The following CFAP46 variants were observed in gnomAD, a reference collection of about 807,000 sequenced individuals.
CFAP46 encodes cilia- and flagella-associated protein 46.
Under a neutral mutation model 325.7 loss-of-function variants are expected in CFAP46, and 245 were observed. The ratio of observed to expected loss-of-function variants is 0.75; its 90% CI spans 0.68 to 0.84. The LOEUF (loss-of-function observed/expected upper bound fraction) is 0.84. Ranked by LOEUF, CFAP46 falls within the 40% of genes least tolerant of loss-of-function variation. The pLI, the probability that CFAP46 is intolerant of heterozygous loss-of-function variation, is 0.00. For missense variants in CFAP46, 3,346 were observed against 3,543.0 expected (o/e 0.94, Z 1.41); for synonymous variants, 1,523 against 1,495.9 (o/e 1.02, Z -0.42).
In CFAP46 at chr10:132,814,692, A is replaced by G; in HGVS notation, c.7243T>C (p.Phe2415Leu). The change falls in exon 52 of 58, where the codon TTC becomes CTC. Residue 2415 changes from phenylalanine (F) to leucine (L), a missense_variant. Transcript: ENST00000368586. ...GGGGCCCATCAAAGGATACACTTGA[A>G]GTTGTCTGAGTCGACTATGATGCAG... Reference protein sequence around the residue: ...PDCIIVDSDNFKFVVDPYEEA... With the variant: ...PDCIIVDSDNLKFVVDPYEEA... 1.2e-6 allele frequency: 2 copies of G among 1,605,256 alleles called. No individual in the cohort carries two copies. The highest frequency in any genetic ancestry group is 1.7e-6 in the Non-Finnish European group (2 of 1,175,698).
intron 44 of CFAP46, among the ~76,000 whole-genome samples, chr10:132,844,693 T>C (rs761223386): frequency 2.6e-5 from 4 of 152,144 alleles, no homozygotes; most frequent in Non-Finnish European, 5.9e-5. Context: ...CTGGTGTCCT[T>C]GGTCCCCAAA....
intron 9 of CFAP46, among the ~76,000 whole-genome samples, chr10:132,927,299 G>A (rs924758955): frequency 2.0e-5 from 3 of 151,074 alleles, no homozygotes; most frequent in Non-Finnish European, 2.9e-5. Flanking sequence ...AGACACAGAC[G>A]TCCCGGGGAG....
intron 9 of CFAP46, among the ~76,000 whole-genome samples, chr10:132,927,865 C>T (rs1390152873): frequency 2.0e-5 from 3 of 152,214 alleles, no homozygotes; most frequent in Non-Finnish European, 4.4e-5. Context: ...GAATGTCTAA[C>T]AGTAGGCTGG....
chr10:132,825,197 CGCTGTGTGCTGTGTGTGTGCCCTGA>C (rs1564768470), intron 50 of CFAP46, among the ~76,000 whole-genome samples: 4 of 121,112 alleles, frequency 3.3e-5, no homozygotes, highest in East Asian at 5.1e-4. Context: ...GTGCTGTGTG[CGCTGTGTGCTGTGTGTGTGCCCTGA>C]TGTGTGCTGT....
At position 132,885,105 on chromosome 10, in the gene CFAP46, G is replaced by C; in HGVS notation, c.3625C>G (p.Gln1209Glu). The C allele has an allele frequency of 6.5e-7, 1 of 1,544,928 alleles. No homozygotes were observed. Among genetic ancestry groups the C allele is most frequent in the Non-Finnish European group, 8.7e-7 (1 of 1,143,834 alleles). The change falls in exon 27 of 58, where the codon CAG becomes GAG. Residue 1209 changes from glutamine (Q) to glutamate (E), a missense_variant and splice_region_variant. Coordinates refer to ENST00000368586, the MANE Select transcript of CFAP46 (RefSeq NM_001200049.3). Reference protein sequence around the residue: ...ACYNNAIQALQKPEMEWQKVE... With the variant: ...ACYNNAIQALEKPEMEWQKVE... Reference sequence around the variant, plus strand: ...CACCCACGCTTACGGCTTCACACCTGCAAGGCCTGGATGGCGTTGTTGTAG... The same window carrying C: ...CACCCACGCTTACGGCTTCACACCTCCAAGGCCTGGATGGCGTTGTTGTAG...
chr10:132,848,080 C>T (rs1028376676), intron 41 of CFAP46, among the ~76,000 whole-genome samples: 2 of 152,096 alleles, frequency 1.3e-5, no homozygotes, highest in Admixed American at 1.3e-4. Context: ...TTTACCAAAA[C>T]CAACCAGGGC....
chr10:132,866,675 C>T (rs970500129), intron 34 of CFAP46, among the ~76,000 whole-genome samples: 20 of 152,202 alleles, frequency 1.3e-4, no homozygotes, highest in Admixed American at 2.6e-4. Flanking sequence ...CGGCCTGGGG[C>T]GGTGGCTGAG....
intron 22 of CFAP46, among the ~76,000 whole-genome samples, chr10:132,901,077 T>C (rs1380406128): frequency 6.6e-6 from 1 of 152,230 alleles, no homozygotes; most frequent in Non-Finnish European, 1.5e-5. Flanking sequence ...CTCTCTCCCA[T>C]CCTTTTACCT....
At chr10:132,915,197 A>G (rs887859959) in intron 17 of CFAP46, among the ~76,000 whole-genome samples, 2 of 152,264 alleles carry the variant, frequency 1.3e-5, no homozygotes, top group Admixed American at 6.5e-5. Context: ...AAACGGCTTG[A>G]GCCCTAATTT....
At chr10:132,873,891 T>C (rs1010075436) in intron 31 of CFAP46, among the ~76,000 whole-genome samples, 2 of 152,122 alleles carry the variant, frequency 1.3e-5, no homozygotes, top group Admixed American at 6.5e-5. Context: ...AAAATGTATT[T>C]TCAATAAAAA....
Position 132,854,689 on chromosome 10 carries a change from C to T in CFAP46, c.5574+2901G>A, listed in dbSNP as rs1177784294. Among the ~76,000 whole-genome samples the T allele has an allele frequency of 7.2e-5, 11 of 152,024 alleles. No homozygotes were observed. In the East Asian group the frequency reaches 1.2e-3, roughly 16 times the overall value. On this transcript the variant is annotated intron_variant, in intron 39 of 57. Transcript: ENST00000368586. Reference sequence around the variant, plus strand: ...AAAAGTCACATAACACAAAATTAACCGTTTAAAAATATACAATTCAGTGGC... The same window carrying T: ...AAAAGTCACATAACACAAAATTAACTGTTTAAAAATATACAATTCAGTGGC...
rs1591062719 is a variant in CFAP46, at chr10:132,866,232, G to A, written c.4744-61C>T. The A allele has an allele frequency of 2.3e-5, 33 of 1,421,298 alleles. No individual in the cohort carries two copies. In the East Asian group the frequency reaches 4.7e-4, roughly 20 times the overall value. 88.0% of individuals were successfully genotyped at this position (1,421,298 alleles called of 1,614,324 possible). On this transcript the variant is annotated intron_variant, in intron 34 of 57. Coordinates refer to ENST00000368586, the MANE Select transcript of CFAP46 (RefSeq NM_001200049.3). ...GACACTTGTGACCTCTGAGTCTCAC[G>A]GGACAGGCTCTGGCTCAGGAGCCAT...
chr10:132,821,219 CTGTG>C (rs1225803491), intron 50 of CFAP46, among the ~76,000 whole-genome samples: 4 of 107,374 alleles, frequency 3.7e-5, no homozygotes, highest in African/African-American at 3.8e-5. Context: ...GTGCTGTGTG[CTGTG>C]TGTGTGCTGA....
chr10:132,852,492 A>C (rs1214626140), intron 39 of CFAP46, among the ~76,000 whole-genome samples: 2 of 149,778 alleles, frequency 1.3e-5, no homozygotes, highest in East Asian at 2.0e-4. Context: ...GAATTCTCAG[A>C]TCCTGATCCA....
chr10:132,924,399 G>GC (rs5789147), intron 11 of CFAP46, among the ~76,000 whole-genome samples: 1 of 151,880 alleles, frequency 6.6e-6, no homozygotes, highest in Admixed American at 6.6e-5. Flanking sequence ...GCCACAACCA[G>GC]CCCCCCACTC....
intron 17 of CFAP46, among the ~76,000 whole-genome samples, chr10:132,913,999 C>T (rs115056146): frequency 0.028 from 4,305 of 151,792 alleles, 215 homozygotes; most frequent in African/African-American, 0.097. Context: ...ATGGGACCCC[C>T]GCTCACCCCT....
At chr10:132,823,795 CTG>C (rs1171794025) in intron 50 of CFAP46, among the ~76,000 whole-genome samples, 10 of 130,074 alleles carry the variant, frequency 7.7e-5, no homozygotes, top group African/African-American at 2.6e-4. Context: ...CTGATGTGTG[CTG>C]TGTGTGTGCT....
chr10:132,851,648 G>A (rs909797836), intron 39 of CFAP46, among the ~76,000 whole-genome samples: 8 of 152,188 alleles, frequency 5.3e-5, no homozygotes, highest in African/African-American at 1.7e-4. Context: ...CATTTTCCTC[G>A]GTAAAGTCAC....
In CFAP46 at chr10:132,877,713, G is replaced by C. The variant is rs1255166861; in HGVS notation, c.4212+168C>G. Among the ~76,000 whole-genome samples, 1 of 151,280 alleles carries C rather than the reference G, an allele frequency of 6.6e-6. No homozygotes were observed. The highest frequency in any genetic ancestry group is 1.9e-4 in the East Asian group (1 of 5,138). ...AGCCTCTGCACTGAGGCCACCTGGG[G>C]CTCCTCCGAGAACCCTGACAGGCAG... On this transcript the variant is annotated intron_variant, in intron 30 of 57. Coordinates refer to ENST00000368586, the MANE Select transcript of CFAP46 (RefSeq NM_001200049.3). This position sits in a 1 kb window ranked among gnomAD's most constrained non-coding sequence, Gnocchi z 5.7.
Sources: allele counts gnomAD v4.1 joint callset (sites outside exome capture counted in the v4.1 genomes callset), GRCh38; gene constraint gnomAD v4.1.1; non-coding constraint Gnocchi (gnomAD v3.1); transcripts MANE v1.5; gene names NCBI Gene and HGNC (gene_info 2026-07-23, HGNC 2026-07-21).